The following ERI3 variants were observed in gnomAD, a reference collection of about 807,000 sequenced individuals.
The protein encoded by ERI3 is ERI1 exoribonuclease 3.
A neutral mutation model predicts 44.4 loss-of-function variants in ERI3; 18 were observed. The observed-to-expected ratio is 0.41, with a 90% CI of 0.28 to 0.60. The LOEUF (loss-of-function observed/expected upper bound fraction) is 0.60. Among genes scored for constraint, ERI3 ranks in the 20% least tolerant of loss-of-function variants. The pLI, the probability that ERI3 is intolerant of heterozygous loss-of-function variation, is 0.36. For synonymous variants in ERI3, 183 were observed against 164.8 expected (o/e 1.11, Z -0.84); for missense variants, 294 against 435.5 (o/e 0.68, Z 2.89).
At chr1:44,262,716 A>G (rs932155137) in intron 7 of ERI3, among the ~76,000 whole-genome samples, 16 of 152,234 alleles carry the variant, frequency 1.1e-4, no homozygotes, top group African/African-American at 3.9e-4. Context: ...TCTGAGGACA[A>G]TGCCTTGTGA....
At chr1:44,343,518 T>C (rs1011924398) in intron 2 of ERI3, among the ~76,000 whole-genome samples, 1 of 152,172 alleles carries the variant, frequency 6.6e-6, no homozygotes, top group Non-Finnish European at 1.5e-5. Context: ...ACACAAACCC[T>C]AATTGAGAGA....
intron 2 of ERI3, among the ~76,000 whole-genome samples, chr1:44,348,289 G>A (rs143682523): frequency 3.0e-4 from 45 of 152,174 alleles, no homozygotes; most frequent in African/African-American, 1.0e-3. Flanking sequence ...CCTTGGTGCC[G>A]GAATACCATT....
At chr1:44,267,982 C>T (rs1645021730) in intron 7 of ERI3, among the ~76,000 whole-genome samples, 1 of 152,232 alleles carries the variant, frequency 6.6e-6, no homozygotes, top group South Asian at 2.1e-4. Flanking sequence ...TAGCTCAAAG[C>T]TTATCGAGTG....
intron 1 of ERI3, chr1:44,353,483 A>C: frequency 1.0e-6 from 1 of 985,454 alleles, no homozygotes; most frequent in Non-Finnish European, 1.2e-6. Flanking sequence ...AAGGACCAGA[A>C]GTTGCAGAGA....
intron 2 of ERI3, among the ~76,000 whole-genome samples, chr1:44,342,866 T>TAA (rs1557868090): frequency 8.7e-5 from 3 of 34,376 alleles, no homozygotes; most frequent in Non-Finnish European, 2.0e-4. Context: ...TATTTTTTTT[T>TAA]TTTTTTTTTT....
intron 2 of ERI3, among the ~76,000 whole-genome samples, chr1:44,343,419 A>G (rs907934135): frequency 1.1e-4 from 17 of 152,206 alleles, no homozygotes; most frequent in African/African-American, 4.1e-4. Flanking sequence ...TAATGGGATA[A>G]ATCAAAATCA....
chr1:44,265,387 C>T (rs1402711507), intron 7 of ERI3, among the ~76,000 whole-genome samples: 1 of 152,194 alleles, frequency 6.6e-6, no homozygotes, highest in Admixed American at 6.5e-5. Context: ...TTTGCTATTA[C>T]ATCAGAAGTG....
At chr1:44,278,298 G>GA (rs1304969898) in intron 7 of ERI3, among the ~76,000 whole-genome samples, 2 of 151,990 alleles carry the variant, frequency 1.3e-5, no homozygotes, top group Non-Finnish European at 2.9e-5. Context: ...ACAACATGGC[G>GA]AAACTCTATT....
chr1:44,287,179 C>T (rs574068762), intron 6 of ERI3, among the ~76,000 whole-genome samples: 7 of 152,082 alleles, frequency 4.6e-5, no homozygotes, highest in Admixed American at 2.0e-4. Flanking sequence ...GATTTAGTAA[C>T]GAGGAGGTCA....
intron 7 of ERI3, among the ~76,000 whole-genome samples, chr1:44,268,523 A>C (rs1279888892): frequency 6.6e-6 from 1 of 152,210 alleles, no homozygotes; most frequent in Non-Finnish European, 1.5e-5. Flanking sequence ...TCCCACTTGA[A>C]GACTGAGATA....
chr1:44,294,050 A>G (rs1336672367), intron 6 of ERI3, among the ~76,000 whole-genome samples: 2 of 152,244 alleles, frequency 1.3e-5, no homozygotes, highest in Non-Finnish European at 2.9e-5. Context: ...CACAGCTCTG[A>G]GCAGGAGTGT....
At chr1:44,226,784 C>A (rs1644052263) in intron 8 of ERI3, among the ~76,000 whole-genome samples, 1 of 148,758 alleles carries the variant, frequency 6.7e-6, no homozygotes, top group Admixed American at 6.7e-5. Context: ...ATTAAACACA[C>A]ACACACACAC....
intron 5 of ERI3, among the ~76,000 whole-genome samples, chr1:44,309,420 G>A (rs1645907032): frequency 6.6e-6 from 1 of 151,998 alleles, no homozygotes; most frequent in Non-Finnish European, 1.5e-5. Flanking sequence ...GCTTGGGCCT[G>A]GGAGGTGGAG....
At chr1:44,324,048 T>C (rs1376040544) in intron 3 of ERI3, among the ~76,000 whole-genome samples, 1 of 152,208 alleles carries the variant, frequency 6.6e-6, no homozygotes, top group Admixed American at 6.5e-5. Flanking sequence ...GACTCCACCA[T>C]GGCTGCAGTA....
At chr1:44,224,636 C>G (rs989070655) in intron 8 of ERI3, among the ~76,000 whole-genome samples, 1 of 152,164 alleles carries the variant, frequency 6.6e-6, no homozygotes, top group Non-Finnish European at 1.5e-5. Flanking sequence ...GAAGAAAAGG[C>G]AAGGAAGCTA....
At chr1:44,353,167 T>A (rs1646931937) in intron 1 of ERI3, 28 of 985,236 alleles carry the variant, frequency 2.8e-5, no homozygotes, top group African/African-American at 3.5e-5. Flanking sequence ...CACTAAACAT[T>A]TACCGAGAAA....
intron 2 of ERI3, among the ~76,000 whole-genome samples, chr1:44,342,857 A>ATATTT (rs1646709018): frequency 5.2e-5 from 1 of 19,176 alleles, no homozygotes; most frequent in Non-Finnish European, 9.0e-5. Context: ...ATATATATAT[A>ATATTT]TTTTTTTTTT....
chr1:44,345,616 T>C (rs1052666733), intron 2 of ERI3, among the ~76,000 whole-genome samples: 1 of 152,158 alleles, frequency 6.6e-6, no homozygotes, highest in Admixed American at 6.5e-5. Flanking sequence ...AACACAGTAA[T>C]ACCTGTCTGG....
chr1:44,345,634 T>C (rs1646769104), intron 2 of ERI3, among the ~76,000 whole-genome samples: 2 of 152,170 alleles, frequency 1.3e-5, no homozygotes, highest in Non-Finnish European at 1.5e-5. Flanking sequence ...TGGAACTCAG[T>C]CACTGGCTTT....
Sources: allele counts gnomAD v4.1 joint callset (sites outside exome capture counted in the v4.1 genomes callset), GRCh38; gene constraint gnomAD v4.1.1; transcripts MANE v1.5; gene names NCBI Gene and HGNC (gene_info 2026-07-23, HGNC 2026-07-21).